PDE7A: variants seen among roughly 807,000 people sequenced by gnomAD.
PDE7A encodes the protein high affinity 3',5'-cyclic-AMP phosphodiesterase 7A.
Under a neutral mutation model 64.3 loss-of-function variants are expected in PDE7A, and 39 were observed. The ratio of observed to expected loss-of-function variants is 0.61; its 90% CI spans 0.47 to 0.79. The LOEUF (loss-of-function observed/expected upper bound fraction) is 0.79. Ranked by LOEUF, PDE7A falls within the 30% of genes least tolerant of loss-of-function variation. PDE7A has a pLI of 0.00. For synonymous variants in PDE7A, 203 were observed against 206.8 expected (o/e 0.98, Z 0.16); for missense variants, 470 against 582.8 (o/e 0.81, Z 1.99).
chr8:65,732,188 G>A (rs1281423324), intron 7 of PDE7A, among the ~76,000 whole-genome samples: 2 of 151,732 alleles, frequency 1.3e-5, no homozygotes, highest in African/African-American at 4.8e-5. Context: ...TAGTAGAGAC[G>A]GGGTTTCACC....
At chr8:65,720,915 T>TGGCCCTTATTATTATA (rs1806349413) in intron 12 of PDE7A, among the ~76,000 whole-genome samples, 1 of 152,224 alleles carries the variant, frequency 6.6e-6, no homozygotes, top group African/African-American at 2.4e-5. Flanking sequence ...TCTACCCACA[T>TGGCCCTTATTATTATA]GGCCCTTATT....
At chr8:65,817,932 T>G (rs1475191474) in intron 1 of PDE7A, among the ~76,000 whole-genome samples, 1 of 152,034 alleles carries the variant, frequency 6.6e-6, no homozygotes, top group Non-Finnish European at 1.5e-5. Context: ...TTTTGTATTT[T>G]TAGTAGAGAT....
intron 1 of PDE7A, among the ~76,000 whole-genome samples, chr8:65,787,831 T>C (rs1209758764): frequency 3.3e-5 from 5 of 151,486 alleles, no homozygotes; most frequent in Non-Finnish European, 7.4e-5. Context: ...ACAAGACAAC[T>C]AATGCATTAT....
chr8:65,761,005 A>G (rs1808464396), intron 3 of PDE7A, among the ~76,000 whole-genome samples: 1 of 152,238 alleles, frequency 6.6e-6, no homozygotes, highest in South Asian at 2.1e-4. Context: ...CAATTACTAA[A>G]AAGCTCACCC....
intron 1 of PDE7A, among the ~76,000 whole-genome samples, chr8:65,808,399 G>GA (rs1210192376): frequency 2.6e-5 from 4 of 151,798 alleles, no homozygotes; most frequent in Non-Finnish European, 4.4e-5. Context: ...GACTTTACTA[G>GA]AAAAAAGTCT....
chr8:65,816,667 C>T (rs1001788204), intron 1 of PDE7A, among the ~76,000 whole-genome samples: 9 of 152,170 alleles, frequency 5.9e-5, no homozygotes, highest in Non-Finnish European at 1.0e-4. Context: ...AATATGTCAC[C>T]CCACTGCCTT....
At chr8:65,789,112 A>G in intron 1 of PDE7A, 9 of 1,322,690 alleles carry the variant, frequency 6.8e-6, no homozygotes, top group Non-Finnish European at 8.8e-6. Flanking sequence ...TCCTCTGGGA[A>G]TGCACTACCC....
chr8:65,770,026 A>G (rs1229622743), intron 3 of PDE7A, among the ~76,000 whole-genome samples: 1 of 152,198 alleles, frequency 6.6e-6, no homozygotes, highest in Admixed American at 6.5e-5. Flanking sequence ...TAATTTCAAA[A>G]CACATACAAA....
intron 1 of PDE7A, among the ~76,000 whole-genome samples, chr8:65,807,628 A>G (rs182343185): frequency 2.6e-4 from 40 of 152,358 alleles, no homozygotes; most frequent in African/African-American, 8.4e-4. Flanking sequence ...GAAAACACCC[A>G]GTCTTTACCA....
chr8:65,750,209 A>G (rs1807868336), intron 3 of PDE7A, among the ~76,000 whole-genome samples: 1 of 152,216 alleles, frequency 6.6e-6, no homozygotes, highest in Admixed American at 6.5e-5. Context: ...ATCCTTAGAA[A>G]CCAAGGTAAA....
intron 3 of PDE7A, among the ~76,000 whole-genome samples, chr8:65,769,217 C>A (rs1356020213): frequency 7.0e-6 from 1 of 143,358 alleles, no homozygotes; most frequent in African/African-American, 2.6e-5. Context: ...CACTGCACTC[C>A]AGCCTAGGTG....
chr8:65,803,765 T>C (rs932966506), intron 1 of PDE7A, among the ~76,000 whole-genome samples: 10 of 152,204 alleles, frequency 6.6e-5, no homozygotes, highest in Non-Finnish European at 7.4e-5. Flanking sequence ...CTTATATATA[T>C]GTATGAGAGT....
intron 1 of PDE7A, among the ~76,000 whole-genome samples, chr8:65,826,671 G>A (rs925730862): frequency 6.6e-6 from 1 of 152,162 alleles, no homozygotes; most frequent in African/African-American, 2.4e-5. Context: ...TTGAAAGAAT[G>A]AACAAATAAA....
At chr8:65,722,642 C>G (rs928391417) in intron 12 of PDE7A, 1 of 152,278 alleles carries the variant, frequency 6.6e-6, no homozygotes, top group African/African-American at 2.4e-5. Flanking sequence ...CAATCCTAGT[C>G]AACTTTCCTG....
In PDE7A at chr8:65,724,785, C is replaced by T. The variant is rs1412135145; in HGVS notation, c.1057G>A (p.Val353Ile). The T allele has an allele frequency of 6.2e-7, 1 of 1,604,240 alleles. No homozygotes were observed. Among genetic ancestry groups the T allele is most frequent in the Admixed American group, 1.7e-5 (1 of 58,340 alleles). Residue 353 changes from valine (V) to isoleucine (I), a missense_variant, in exon 10 of 13, where the codon GTT (valine) becomes ATT (isoleucine). Coordinates refer to ENST00000401827, the MANE Select transcript of PDE7A (RefSeq NM_001242318.3). ...CLEDTRHRHL[V>I]LQMALKCADI... Reference sequence around the variant, plus strand: ...TCCAAGCCCCATTTTACCTGTAAAACCAAATGTCTGTGTCTGGTGTCTTCT... The same window carrying T: ...TCCAAGCCCCATTTTACCTGTAAAATCAAATGTCTGTGTCTGGTGTCTTCT...
At chr8:65,766,096 C>T (rs1808767684) in intron 3 of PDE7A, among the ~76,000 whole-genome samples, 1 of 152,140 alleles carries the variant, frequency 6.6e-6, no homozygotes, top group Admixed American at 6.5e-5. Context: ...CAGGCGCCCG[C>T]CACCACGCCC....
At chr8:65,813,926 T>C (rs1208081444) in intron 1 of PDE7A, among the ~76,000 whole-genome samples, 1 of 152,240 alleles carries the variant, frequency 6.6e-6, no homozygotes, top group Non-Finnish European at 1.5e-5. Context: ...ATGAACTTCA[T>C]AAACACCTGC....
Position 65,719,387 on chromosome 8 carries a change from C to T in PDE7A, c.1352G>A (p.Trp451Ter). ...CGACTGTTCTCTCTGCAGTCCCTTC[C>T]AGCTGGCTTTATTCAGCCCCACGTG... ...LGHVGLNKAS[W>*]KGLQREQSSS... is the part of the protein sequence containing the mutation. The change falls in exon 13 of 13, where the codon TGG becomes TAG. Residue 451 changes from tryptophan to a stop codon, truncating the protein, a stop_gained. Coordinates refer to ENST00000401827, the MANE Select transcript of PDE7A (RefSeq NM_001242318.3). LOFTEE classifies it high-confidence loss of function. 2 of 1,614,040 alleles carry T rather than the reference C, an allele frequency of 1.2e-6. No individual in the cohort carries two copies. Among genetic ancestry groups the T allele is most frequent in the Non-Finnish European group, 1.7e-6 (2 of 1,179,914 alleles).
At chr8:65,736,937 C>T (rs1807166160) in intron 6 of PDE7A, among the ~76,000 whole-genome samples, 1 of 148,526 alleles carries the variant, frequency 6.7e-6, no homozygotes, top group Non-Finnish European at 1.5e-5. Flanking sequence ...GGCTGGAGTG[C>T]AGTAGCGTGA....
Sources: allele counts gnomAD v4.1 joint callset (sites outside exome capture counted in the v4.1 genomes callset), GRCh38; gene constraint gnomAD v4.1.1; transcripts MANE v1.5; gene names NCBI Gene and HGNC (gene_info 2026-07-23, HGNC 2026-07-21).